Variants in CPED1 observed in about 807,000 individuals in gnomAD.
CPED1 encodes the protein cadherin-like and PC-esterase domain-containing protein 1.
In CPED1, 114 loss-of-function variants were observed where a neutral mutation model predicts 128.2. The observed-to-expected ratio is 0.89, with a 90% CI of 0.76 to 1.04. The LOEUF (loss-of-function observed/expected upper bound fraction) is 1.04. Among genes scored for constraint, CPED1 ranks in the 50% least tolerant of loss-of-function variants. CPED1 has a pLI of 0.00. For missense variants in CPED1, 1,211 were observed against 1,207.1 expected (o/e 1.00, Z -0.05); for synonymous variants, 462 against 426.7 (o/e 1.08, Z -1.02).
chr7:121,219,678 G>C (rs189672402), intron 16 of CPED1, among the ~76,000 whole-genome samples: 1 of 152,094 alleles, frequency 6.6e-6, no homozygotes, highest in Non-Finnish European at 1.5e-5. Context: ...CACATTCTAT[G>C]ATGGCTCATT....
At chr7:121,290,176 A>G (rs984701793) in intron 22 of CPED1, among the ~76,000 whole-genome samples, 8 of 152,216 alleles carry the variant, frequency 5.3e-5, no homozygotes, top group Non-Finnish European at 1.0e-4. Context: ...CATGGTATAT[A>G]CGTGCCACAT....
At chr7:121,092,006 C>G (rs1342520209) in intron 5 of CPED1, among the ~76,000 whole-genome samples, 2 of 152,146 alleles carry the variant, frequency 1.3e-5, no homozygotes, top group South Asian at 4.1e-4. Flanking sequence ...CCTTAACTTT[C>G]TCAGTGTCCT....
rs779185603 is a variant in CPED1 at position 120,989,595 on chromosome 7, C to A, written c.-27C>A. 7 of 1,608,928 alleles carry A rather than the reference C, an allele frequency of 4.4e-6. No homozygotes were observed. In the South Asian group the frequency reaches 6.6e-5, roughly 15 times the overall value. ...GCTATGACTTTTCCCGCAACGTGGACAGGGGCCAAGTGAAGCTGAACTGGT... is the reference window on the plus strand; with the variant it reads ...GCTATGACTTTTCCCGCAACGTGGAAAGGGGCCAAGTGAAGCTGAACTGGT... On this transcript the variant is annotated 5_prime_UTR_variant, in exon 2 of 23. Coordinates refer to ENST00000310396, the MANE Select transcript of CPED1 (RefSeq NM_024913.5).
chr7:121,259,177 T>C (rs1266760304), intron 18 of CPED1, among the ~76,000 whole-genome samples: 1 of 151,994 alleles, frequency 6.6e-6, no homozygotes, highest in Admixed American at 6.6e-5. Flanking sequence ...CACCTGCCTA[T>C]AGGGAAGGAA....
At chr7:121,047,643 A>AC (rs1793231797) in intron 4 of CPED1, among the ~76,000 whole-genome samples, 2 of 135,650 alleles carry the variant, frequency 1.5e-5, no homozygotes, top group African/African-American at 6.4e-5. Context: ...TCTAGATAGC[A>AC]CCTTTCTTCT....
intron 16 of CPED1, among the ~76,000 whole-genome samples, chr7:121,234,971 G>T (rs546519915): frequency 1.3e-5 from 2 of 152,116 alleles, no homozygotes; most frequent in African/African-American, 4.8e-5. Context: ...AAGGCTCCAG[G>T]GTTGCAGAGT....
intron 16 of CPED1, among the ~76,000 whole-genome samples, chr7:121,212,012 A>G (rs1797656202): frequency 6.6e-6 from 1 of 152,000 alleles, no homozygotes; most frequent in Non-Finnish European, 1.5e-5. Flanking sequence ...AAGTTCCTCC[A>G]TTAAGGCAGA....
rs533541962 is a variant in CPED1 at position 121,119,210 on chromosome 7, C to T, written c.919-5121C>T. Among the ~76,000 whole-genome samples the T allele has an allele frequency of 4.8e-5, 7 of 146,398 alleles. No individual in the cohort carries two copies. The East Asian group carries it at 6.2e-4, about 13-fold the overall frequency. On this transcript the variant is annotated intron_variant, in intron 7 of 22. Coordinates refer to ENST00000310396, the MANE Select transcript of CPED1 (RefSeq NM_024913.5). Reference sequence around the variant, plus strand: ...AAATTTGCAAACTTTTTTTCTATTGCGAAATATAGGACAATCTAAAAAAGA... The same window carrying T: ...AAATTTGCAAACTTTTTTTCTATTGTGAAATATAGGACAATCTAAAAAAGA...
intron 3 of CPED1, among the ~76,000 whole-genome samples, chr7:121,020,169 GAATT>G (rs1792402942): frequency 6.6e-6 from 1 of 151,994 alleles, no homozygotes; most frequent in African/African-American, 2.4e-5. Flanking sequence ...GCAAGCTACA[GAATT>G]AAAGTCAGTC....
intron 3 of CPED1, among the ~76,000 whole-genome samples, chr7:121,044,666 T>TTTTTTTTTTTTTTTTTTTTA: frequency 1.4e-5 from 2 of 143,342 alleles, no homozygotes; most frequent in Non-Finnish European, 3.0e-5. Flanking sequence ...TTTTTTTTTT[T>TTTTTTTTTTTTTTTTTTTTA]TTTGCTATTT....
At chr7:121,093,245 A>G (rs1310571790) in intron 5 of CPED1, among the ~76,000 whole-genome samples, 1 of 152,162 alleles carries the variant, frequency 6.6e-6, no homozygotes, top group African/African-American at 2.4e-5. Context: ...ATTAGGTTGA[A>G]CATTATGAAA....
At chr7:121,113,665 GA>G (rs1254312871) in intron 7 of CPED1, among the ~76,000 whole-genome samples, 1 of 152,078 alleles carries the variant, frequency 6.6e-6, no homozygotes, top group African/African-American at 2.4e-5. Flanking sequence ...GGGAAGGAAG[GA>G]AGGAAGAGAA....
At chr7:121,283,104 CAATT>C (rs1792494925) in intron 22 of CPED1, among the ~76,000 whole-genome samples, 1 of 152,146 alleles carries the variant, frequency 6.6e-6, no homozygotes, top group South Asian at 2.1e-4. Flanking sequence ...CATAGAGACT[CAATT>C]AGCCCTTTGG....
At chr7:121,096,762 G>A (rs996669420) in intron 5 of CPED1, among the ~76,000 whole-genome samples, 37 of 152,078 alleles carry the variant, frequency 2.4e-4, no homozygotes, top group African/African-American at 8.7e-4. Flanking sequence ...AGGTATGTAT[G>A]AAATAACTCT....
chr7:121,287,691 G>A (rs1792613171), intron 22 of CPED1, among the ~76,000 whole-genome samples: 1 of 151,844 alleles, frequency 6.6e-6, no homozygotes, highest in Admixed American at 6.6e-5. Flanking sequence ...TCTTTTTCAT[G>A]TTTTCCCCTG....
At chr7:121,007,045 G>C (rs936296937) in intron 2 of CPED1, among the ~76,000 whole-genome samples, 125 of 152,164 alleles carry the variant, frequency 8.2e-4, no homozygotes, top group African/African-American at 2.8e-3. Context: ...TCCTAGATAT[G>C]CACTTTAGGA....
intron 11 of CPED1, 109 bp downstream of exon 11, chr7:121,128,595 T>C (rs1242775801): frequency 1.7e-5 from 11 of 642,090 alleles, no homozygotes; most frequent in South Asian, 4.2e-5. Context: ...CTTTAAGAAA[T>C]AGAAATCTTT....
intron 7 of CPED1, 59 bp downstream of exon 7, chr7:121,100,153 G>C: frequency 1.3e-6 from 2 of 1,492,310 alleles, no homozygotes; most frequent in Non-Finnish European, 1.8e-6. Flanking sequence ...AGTAAAGTGA[G>C]TTGGGCTGCC....
chr7:121,172,141 A>G (rs1370013866), intron 16 of CPED1, among the ~76,000 whole-genome samples: 3 of 152,178 alleles, frequency 2.0e-5, no homozygotes, highest in Non-Finnish European at 4.4e-5. Flanking sequence ...GGTAAGTCCC[A>G]GTTCTCTCTG....
Sources: allele counts gnomAD v4.1 joint callset (sites outside exome capture counted in the v4.1 genomes callset), GRCh38; gene constraint gnomAD v4.1.1; transcripts MANE v1.5; gene names NCBI Gene and HGNC (gene_info 2026-07-23, HGNC 2026-07-21).